Variants in CYFIP1 observed in about 807,000 individuals in gnomAD.
CYFIP1 encodes cytoplasmic FMR1 interacting protein 1, also known as cytoplasmic FMR1-interacting protein 1.
CYFIP1 carries 58 observed loss-of-function variants against 163.5 expected under a neutral mutation model. The ratio of observed to expected loss-of-function variants is 0.35; its 90% CI spans 0.29 to 0.44. The LOEUF (loss-of-function observed/expected upper bound fraction) is 0.44. Among genes scored for constraint, CYFIP1 ranks in the 20% least tolerant of loss-of-function variants. CYFIP1 has a pLI of 1.00. For missense variants in CYFIP1, 1,338 were observed against 1,653.8 expected, an observed-to-expected ratio of 0.81 and a Z score of 3.31; for synonymous variants, 663 against 660.7, an observed-to-expected ratio of 1.00 and a Z score of -0.05.
At chr15:22,911,879 C>T (rs919530306) in intron 18 of CYFIP1, among the ~76,000 whole-genome samples, 2 of 151,990 alleles carry the variant, frequency 1.3e-5, no homozygotes, top group African/African-American at 2.4e-5. Context: ...TTATAAAATC[C>T]AAAACCAAAA....
In CYFIP1 at chr15:22,869,087, G is replaced by A. The variant is rs1459584870; in HGVS notation, c.*941C>T. On this transcript the variant is annotated 3_prime_UTR_variant, in exon 31 of 31. Coordinates refer to ENST00000617928, the MANE Select transcript of CYFIP1 (RefSeq NM_014608.6). ...AACCAGCTCCAGCCATGTGAGCCCT[G>A]TGGATCGGGGACAGCTGAAGGCTGG... 1 of 152,188 alleles carries A rather than the reference G, an allele frequency of 6.6e-6. No individual in the cohort carries two copies. Among genetic ancestry groups the A allele is most frequent in the African/African-American group, 2.4e-5 (1 of 41,426 alleles). 9.4% of individuals were successfully genotyped at this position (152,188 alleles called of 1,614,324 possible).
In CYFIP1 at chr15:22,868,022, T is replaced by C. The variant is rs1030164462; in HGVS notation, c.*2006A>G. 1.3e-5 allele frequency: 2 copies of C among 152,198 alleles called. No individual in the cohort carries two copies. The highest frequency in any genetic ancestry group is 2.1e-4 in the South Asian group (1 of 4,820). 9.4% of individuals were successfully genotyped at this position (152,198 alleles called of 1,614,324 possible). On this transcript the variant is annotated 3_prime_UTR_variant, in exon 31 of 31. Transcript: ENST00000617928. ...TTCCACCTAGGTGATGGGAAGAAAG[T>C]GTTCGCCTGTTCCAGCCTGTGGCTC...
At chr15:22,883,583 C>T (rs899292011) in intron 23 of CYFIP1, among the ~76,000 whole-genome samples, 28 of 152,134 alleles carry the variant, frequency 1.8e-4, no homozygotes, top group Admixed American at 3.9e-4. Flanking sequence ...TTTGGGAGGC[C>T]GAGGTGGGCA....
In CYFIP1 at chr15:22,933,997, G is replaced by A. The variant is rs545544144; in HGVS notation, c.901-104C>T. On this transcript the variant is annotated intron_variant, in intron 9 of 30. Coordinates refer to ENST00000617928, the MANE Select transcript of CYFIP1 (RefSeq NM_014608.6). ...TGCTAATAATTACTTCGGCTTGAAT[G>A]CTACCTCTGCAAATGATTCATTACA... 1.3e-5 allele frequency: 9 copies of A among 718,972 alleles called. No homozygotes were observed. In the East Asian group the frequency reaches 2.1e-4, roughly 17 times the overall value. The allele number at this position is 718,972 out of a possible 1,614,324, so 44.5% of individuals were successfully genotyped here. A position where few individuals can be genotyped will look rare whatever the true frequency, so the allele number is the denominator to read the frequency against.
At chr15:22,873,828 G>C in intron 28 of CYFIP1, 99 bp from the exon 29 acceptor site, 1 of 1,093,728 alleles carries the variant, frequency 9.1e-7, no homozygotes, top group Non-Finnish European at 1.3e-6. Context: ...GTCTTGCTCT[G>C]CTGCCTAGGC....
rs1566959599 is a variant in CYFIP1, at chr15:22,910,920, AT to A, written c.2083-108del. 6.1e-6 allele frequency: 6 copies of A among 982,552 alleles called. No homozygotes were observed. In the East Asian group the frequency reaches 7.2e-5, roughly 12 times the overall value. The allele number at this position is 982,552 out of a possible 1,614,324, so 60.9% of individuals were successfully genotyped here. On this transcript the variant is annotated intron_variant, in intron 18 of 30. Transcript: ENST00000617928. ...TAAGGCAACTAACTGAGGCTCTTTT[AT>A]TTTTTTGAGACGGAGTCTTGCTCTG...
In CYFIP1 at chr15:22,933,734, A is replaced by G. The variant is rs2061612009; in HGVS notation, c.992+68T>C. On this transcript the variant is annotated intron_variant, in intron 10 of 30. Coordinates refer to ENST00000617928, the MANE Select transcript of CYFIP1 (RefSeq NM_014608.6). ...TGTTATCTCTAGACAAATAAGCAGG[A>G]TGTTTGAAAACCGCACAATGAGGAC... 2.7e-6 allele frequency: 3 copies of G among 1,115,460 alleles called. No individual in the cohort carries two copies. In the Admixed American group the frequency reaches 5.9e-5, roughly 22 times the overall value. 69.1% of individuals were successfully genotyped at this position (1,115,460 alleles called of 1,614,324 possible).
intron 1 of CYFIP1, among the ~76,000 whole-genome samples, chr15:22,973,536 CCG>C (rs2063170905): frequency 6.6e-6 from 1 of 152,112 alleles, no homozygotes; most frequent in Non-Finnish European, 1.5e-5. Flanking sequence ...CTCTCCCCTT[CCG>C]CCAGCCACCC....
intron 13 of CYFIP1, among the ~76,000 whole-genome samples, chr15:22,923,712 G>A (rs1463841485): frequency 6.6e-6 from 1 of 152,112 alleles, no homozygotes; most frequent in East Asian, 1.9e-4. Context: ...GGAAGTCAAA[G>A]CAGGAGGATC....
chr15:22,871,967 C>G (rs1185648137), intron 30 of CYFIP1, among the ~76,000 whole-genome samples: 1 of 152,032 alleles, frequency 6.6e-6, no homozygotes, highest in Non-Finnish European at 1.5e-5. Context: ...ACTGCCAAGC[C>G]TGTGGTGATT....
intron 30 of CYFIP1, among the ~76,000 whole-genome samples, 154 bp from the exon 31 acceptor site, chr15:22,870,346 A>AG (rs2141804517): frequency 6.6e-6 from 1 of 151,790 alleles, no homozygotes; most frequent in Admixed American, 6.6e-5. Flanking sequence ...TTTGTAAGAT[A>AG]GGGTCTCACT....
At chr15:22,971,931 G>A (rs1567049660) in intron 1 of CYFIP1, among the ~76,000 whole-genome samples, 1 of 152,060 alleles carries the variant, frequency 6.6e-6, no homozygotes, top group Non-Finnish European at 1.5e-5. Context: ...GCAATCTACA[G>A]GTTCAATGCA....
In CYFIP1 at chr15:22,908,340, G is replaced by A. The variant is rs576255462; in HGVS notation, c.2388+854C>T. On this transcript the variant is annotated intron_variant, in intron 21 of 30. Transcript: ENST00000617928. ...GGGTGAGCGCCCAAAGAGGGTGAGC[G>A]GGGAACGTTGGCCCCGAACACACAT... is the stretch of plus-strand genomic sequence containing the variant. Among the ~76,000 whole-genome samples, 22 of 152,104 alleles carry A rather than the reference G, an allele frequency of 1.4e-4. No individual in the cohort carries two copies. In the South Asian group the frequency reaches 3.9e-3, roughly 27 times the overall value.
chr15:22,973,012 TGTAATCCCA>T (rs939525400), intron 1 of CYFIP1, among the ~76,000 whole-genome samples: 3 of 152,122 alleles, frequency 2.0e-5, no homozygotes, highest in Non-Finnish European at 2.9e-5. Context: ...GGTGCACACC[TGTAATCCCA>T]GCTACTCAGG....
intron 30 of CYFIP1, among the ~76,000 whole-genome samples, chr15:22,872,401 G>C (rs752241652): frequency 2.0e-5 from 3 of 152,094 alleles, no homozygotes; most frequent in Non-Finnish European, 4.4e-5. Context: ...TGAATGGCAA[G>C]AATAGGGAGA....
Position 22,939,419 on chromosome 15 carries a change from T to C in CYFIP1, c.658A>G (p.Ile220Val), listed in dbSNP as rs751395039. The change falls in exon 7 of 31, where the codon ATC becomes GTC. Residue 220 changes from isoleucine to valine, a missense_variant. Physicochemically the swap from Ile to Val is conservative, Grantham distance 29. Transcript: ENST00000617928. ...LSMFLANHNK[I>V]TQSLQQQLEV... is the part of the protein sequence containing the mutation. ...GCAAACACCAGCCTTACCTGTGTGA[T>C]CTTGTTATGATTGGCCAGGAACATG... 4 of 1,613,982 alleles carry C rather than the reference T, an allele frequency of 2.5e-6. No homozygotes were observed. The highest frequency in any genetic ancestry group is 3.4e-6 in the Non-Finnish European group (4 of 1,180,022).
At chr15:22,948,372 G>A (rs1398568583) in intron 1 of CYFIP1, among the ~76,000 whole-genome samples, 1 of 152,176 alleles carries the variant, frequency 6.6e-6, no homozygotes, top group Non-Finnish European at 1.5e-5. Flanking sequence ...GGTCCAAGTG[G>A]CAGTGCAGGA....
chr15:22,875,722 C>G (rs2059562983), intron 26 of CYFIP1, among the ~76,000 whole-genome samples: 1 of 151,746 alleles, frequency 6.6e-6, no homozygotes, highest in South Asian at 2.1e-4. Flanking sequence ...GCAAACAACA[C>G]AGGAGATGGA....
At chr15:22,870,329 G>GTTT (rs11435642) in intron 30 of CYFIP1, 137 bp from the exon 31 acceptor site, 2,446 of 831,070 alleles carry the variant, frequency 2.9e-3, no homozygotes, top group Admixed American at 7.2e-3. Context: ...TTCTTTTTGG[G>GTTT]TTTTTTTTTG....
Sources: gnomAD v4.1 joint callset for allele counts (sites outside exome capture counted in the v4.1 genomes callset) on GRCh38, gnomAD v4.1.1 for gene constraint, MANE v1.5 for transcripts, NCBI Gene and HGNC (gene_info 2026-07-23, HGNC 2026-07-21) for gene names.